JPH3: variants seen among roughly 807,000 people sequenced by gnomAD.
JPH3 encodes junctophilin 3, also known as junctophilin-3.
A neutral mutation model predicts 59.6 loss-of-function variants in JPH3; 11 were observed. That is an observed-to-expected ratio of 0.18 (90% CI 0.12 to 0.31). The LOEUF (loss-of-function observed/expected upper bound fraction) is 0.31. Ranked by LOEUF, JPH3 falls within the 10% of genes least tolerant of loss-of-function variation. The pLI, the probability that JPH3 is intolerant of heterozygous loss-of-function variation, is 1.00. For missense variants in JPH3, 1,202 were observed against 1,105.7 expected (o/e 1.09, Z -1.24); for synonymous variants, 673 against 483.6 (o/e 1.39, Z -5.14).
chr16:87,621,630 T>C (rs931142460), intron 1 of JPH3, among the ~76,000 whole-genome samples: 1 of 152,202 alleles, frequency 6.6e-6, no homozygotes, highest in Non-Finnish European at 1.5e-5. Flanking sequence ...AGACGGTGGA[T>C]GCAGGCAGCC....
At chr16:87,647,261 C>G (rs2032183380) in intron 2 of JPH3, among the ~76,000 whole-genome samples, 1 of 151,834 alleles carries the variant, frequency 6.6e-6, no homozygotes, top group African/African-American at 2.4e-5. Context: ...GGAGCCGGGG[C>G]CAGGGTGGGG....
chr16:87,690,588 G>C lies in JPH3; in HGVS notation c.2166+62G>C, dbSNP rs1488648189. The C allele has an allele frequency of 9.9e-6, 14 of 1,407,194 alleles. No individual in the cohort carries two copies. In the Admixed American group the frequency reaches 2.3e-4, roughly 23 times the overall value. 87.2% of individuals were successfully genotyped at this position (1,407,194 alleles called of 1,614,324 possible). ...CAACATCCACCTCTCTGCTGACCTGGTGTTTCCTGAGGGTTTCCAGCAAGG... is the reference window on the plus strand; with the variant it reads ...CAACATCCACCTCTCTGCTGACCTGCTGTTTCCTGAGGGTTTCCAGCAAGG... On this transcript the variant is annotated intron_variant, in intron 4 of 4. Transcript: ENST00000284262.
intron 1 of JPH3, among the ~76,000 whole-genome samples, chr16:87,613,345 C>T (rs183721246): frequency 0.011 from 1,687 of 151,872 alleles, 12 homozygotes; most frequent in Middle Eastern, 0.031. Flanking sequence ...GTGAACCGCC[C>T]GCCTCGGCCT....
chr16:87,663,553 C>A (rs113049769), intron 2 of JPH3, among the ~76,000 whole-genome samples: 1 of 152,212 alleles, frequency 6.6e-6, no homozygotes, highest in African/African-American at 2.4e-5. Context: ...AGATTTCACC[C>A]ACCAGAAGCA....
chr16:87,629,070 G>C (rs953425052), intron 1 of JPH3, among the ~76,000 whole-genome samples: 5 of 152,112 alleles, frequency 3.3e-5, no homozygotes, highest in Admixed American at 6.5e-5. Flanking sequence ...AACGCTGTGG[G>C]GGGGGCCCAG....
chr16:87,605,657 C>T (rs1043334965), intron 1 of JPH3, among the ~76,000 whole-genome samples: 5 of 152,352 alleles, frequency 3.3e-5, no homozygotes, highest in Middle Eastern at 3.4e-3. Flanking sequence ...CCTCAGCATC[C>T]TGCTCCCCTA....
At chr16:87,603,619 T>A in intron 1 of JPH3, 91 bp downstream of exon 1, 1 of 1,437,504 alleles carries the variant, frequency 7.0e-7, no homozygotes, top group Non-Finnish European at 9.3e-7. Flanking sequence ...TTGAGCTGCG[T>A]CCTCCGGTTG....
chr16:87,636,272 G>T (rs778359445), intron 1 of JPH3, among the ~76,000 whole-genome samples: 2 of 152,204 alleles, frequency 1.3e-5, no homozygotes, highest in Admixed American at 1.3e-4. Context: ...CATCTGCGCC[G>T]TTCAGCTCAG....
At chr16:87,641,645 C>T (rs927329894) in intron 1 of JPH3, among the ~76,000 whole-genome samples, 2 of 152,254 alleles carry the variant, frequency 1.3e-5, no homozygotes, top group East Asian at 1.9e-4. Flanking sequence ...AAGCTGCCCT[C>T]AGAGGCTGCG....
chr16:87,678,551 AAT>A (rs148786453), intron 2 of JPH3, among the ~76,000 whole-genome samples: 16 of 151,736 alleles, frequency 1.1e-4, no homozygotes, highest in South Asian at 8.4e-4. Flanking sequence ...ACACACACAC[AAT>A]ATATATATAT....
chr16:87,695,435 C>T (rs577102894), intron 4 of JPH3: 28 of 455,954 alleles, frequency 6.1e-5, no homozygotes, highest in South Asian at 2.2e-4. Context: ...AGGATGTCTG[C>T]GTGGTAGGAA....
At chr16:87,625,663 C>A (rs935305039) in intron 1 of JPH3, among the ~76,000 whole-genome samples, 1 of 152,126 alleles carries the variant, frequency 6.6e-6, no homozygotes, top group Non-Finnish European at 1.5e-5. Context: ...TCCTGGGGGG[C>A]CTTCATCAAG....
chr16:87,606,940 C>T (rs984333285), intron 1 of JPH3, among the ~76,000 whole-genome samples: 1 of 152,106 alleles, frequency 6.6e-6, no homozygotes, highest in Non-Finnish European at 1.5e-5. Context: ...TTCTCATTTT[C>T]CACACTGGGA....
At chr16:87,684,580 C>A in intron 3 of JPH3, 1 of 360,176 alleles carries the variant, frequency 2.8e-6, no homozygotes, top group Non-Finnish European at 5.2e-6. Context: ...GTCTGCTGCC[C>A]GCCCTCCCCC....
chr16:87,690,932 G>T (rs932745601), intron 4 of JPH3, among the ~76,000 whole-genome samples: 6 of 152,240 alleles, frequency 3.9e-5, no homozygotes, highest in Non-Finnish European at 5.9e-5. Context: ...AGGCGAAACA[G>T]CTGGGGGCAA....
intron 2 of JPH3, among the ~76,000 whole-genome samples, chr16:87,671,561 A>C (rs2033015958): frequency 1.3e-5 from 2 of 151,642 alleles, no homozygotes; most frequent in South Asian, 2.1e-4. Flanking sequence ...GGAGTCACCC[A>C]CACAACCCTT....
chr16:87,697,017 A>C lies in JPH3; in HGVS notation c.*357A>C, dbSNP rs903103410. Reference sequence around the variant, plus strand: ...CACGTCCCGTCTTGGGTGTGGATGGAGGGCAGCCCGGGGCAGAGCCTCAGC... The same window carrying C: ...CACGTCCCGTCTTGGGTGTGGATGGCGGGCAGCCCGGGGCAGAGCCTCAGC... On this transcript the variant is annotated 3_prime_UTR_variant, in exon 5 of 5. Coordinates refer to ENST00000284262, the MANE Select transcript of JPH3 (RefSeq NM_020655.4). The C allele has an allele frequency of 6.6e-5, 21 of 315,948 alleles. No homozygotes were observed. The highest frequency in any genetic ancestry group is 3.9e-4 in the African/African-American group (18 of 46,354). 19.6% of individuals were successfully genotyped at this position (315,948 alleles called of 1,614,324 possible).
At chr16:87,653,825 A>T (rs2032404334) in intron 2 of JPH3, 1 of 152,252 alleles carries the variant, frequency 6.6e-6, no homozygotes, top group African/African-American at 2.4e-5. Flanking sequence ...ACGGACACAC[A>T]GAATGCCACG....
intron 1 of JPH3, among the ~76,000 whole-genome samples, chr16:87,632,530 C>T (rs1251411978): frequency 6.6e-6 from 1 of 152,202 alleles, no homozygotes; most frequent in Non-Finnish European, 1.5e-5. Flanking sequence ...GCCTCAATCT[C>T]CTGGGCTCCA....
Sources: gnomAD v4.1 joint callset for allele counts (sites outside exome capture counted in the v4.1 genomes callset) on GRCh38, gnomAD v4.1.1 for gene constraint, MANE v1.5 for transcripts, NCBI Gene and HGNC (gene_info 2026-07-23, HGNC 2026-07-21) for gene names.